Variants in KANSL1 observed in about 807,000 individuals in gnomAD.
The protein encoded by KANSL1 is KAT8 regulatory NSL complex subunit 1.
A neutral mutation model predicts 103.6 loss-of-function variants in KANSL1; 22 were observed. The observed-to-expected ratio is 0.21, with a 90% confidence interval of 0.15 to 0.30. The LOEUF (loss-of-function observed/expected upper bound fraction) is 0.30, where lower values mean the gene tolerates loss of function less well. Among genes scored for constraint, KANSL1 ranks in the 10% least tolerant of loss-of-function variants. The probability of loss-of-function intolerance (pLI) is 1.00; values close to 1 mark genes in which losing one functional copy is unlikely to be tolerated. For synonymous variants in KANSL1, 600 were observed against 527.6 expected (o/e 1.14, Z -1.88); for missense variants, 1,337 against 1,399.8 (o/e 0.96, Z 0.72).
chr17:46,148,705 G>A (rs2147459356), intron 2 of KANSL1, among the ~76,000 whole-genome samples: 1 of 151,460 alleles, frequency 6.6e-6, no homozygotes, highest in African/African-American at 2.4e-5. Context: ...TCCTGCCTCA[G>A]CCTCCTGAAC....
chr17:46,201,059 G>A (rs1039273237), intron 1 of KANSL1, among the ~76,000 whole-genome samples: 10 of 152,054 alleles, frequency 6.6e-5, no homozygotes, highest in African/African-American at 1.9e-4. Flanking sequence ...CTACAGGCGC[G>A]TACCACCATG....
Position 46,172,130 on chromosome 17 carries a change from G to A in KANSL1, c.14C>T (p.Ala5Val), listed in dbSNP as rs1187317822. The change falls in exon 2 of 15, where the codon GCG becomes GTG. Residue 5 changes from alanine (A) to valine (V), a missense_variant. Ala to Val is a moderately conservative substitution (Grantham distance 64). Around this residue, in one of 2 missense-constraint regions of KANSL1, gnomAD observed 557 missense variants for 476.4 expected, o/e 1.17. Coordinates refer to ENST00000432791, the MANE Select transcript of KANSL1 (RefSeq NM_015443.4). ...AGCTGCTGCGTCAGTGAGAGCGGGC[G>A]CCATCGCAGCCATTCAGCACAGAGA... is the stretch of plus-strand genomic sequence containing the variant. Reference protein sequence around the residue: MAAMAPALTDAAAEA... With the variant: MAAMVPALTDAAAEA... The A allele has an allele frequency of 5.0e-6, 8 of 1,604,326 alleles. No homozygotes were observed. Among genetic ancestry groups the A allele is most frequent in the African/African-American group, 1.3e-5 (1 of 75,022 alleles).
intron 2 of KANSL1, among the ~76,000 whole-genome samples, chr17:46,098,506 C>G (rs141738260): frequency 6.6e-6 from 1 of 152,288 alleles, no homozygotes; most frequent in East Asian, 1.9e-4. Flanking sequence ...CATTTTAGTT[C>G]GCAAGAACTT....
intron 6 of KANSL1, among the ~76,000 whole-genome samples, chr17:46,062,964 C>T (rs949562181): frequency 2.6e-5 from 4 of 152,076 alleles, no homozygotes; most frequent in African/African-American, 7.2e-5. Context: ...GCAGGAGAAT[C>T]GCTTGAACCC....
At chr17:46,209,516 C>A (rs2048090457) in intron 1 of KANSL1, among the ~76,000 whole-genome samples, 1 of 152,240 alleles carries the variant, frequency 6.6e-6, no homozygotes, top group South Asian at 2.1e-4. Flanking sequence ...TTTTTTGAGA[C>A]AGAGTCTCAC....
At chr17:46,154,877 G>T (rs1047012467) in intron 2 of KANSL1, among the ~76,000 whole-genome samples, 4 of 152,154 alleles carry the variant, frequency 2.6e-5, no homozygotes, top group Non-Finnish European at 5.9e-5. Flanking sequence ...TGGAGATGGG[G>T]TCTTGCTATG....
At chr17:46,047,912 TC>T (rs1017722722) in intron 7 of KANSL1, among the ~76,000 whole-genome samples, 1 of 87,638 alleles carries the variant, frequency 1.1e-5, no homozygotes, top group Non-Finnish European at 2.5e-5. Flanking sequence ...CCTTCCCCAC[TC>T]CCCCCGCCAC....
chr17:46,179,660 C>G (rs1377138684), intron 1 of KANSL1, among the ~76,000 whole-genome samples: 33 of 152,172 alleles, frequency 2.2e-4, no homozygotes, highest in Admixed American at 2.2e-3. Context: ...GCTAAAATGT[C>G]ATTATGCAAA....
At chr17:46,076,797 C>G (rs2078791801) in intron 4 of KANSL1, among the ~76,000 whole-genome samples, 1 of 152,106 alleles carries the variant, frequency 6.6e-6, no homozygotes, top group Non-Finnish European at 1.5e-5. Flanking sequence ...TTTCTTGATA[C>G]TACCGCAAAT....
chr17:46,149,260 C>T (rs1023616292), intron 2 of KANSL1, among the ~76,000 whole-genome samples: 2 of 152,248 alleles, frequency 1.3e-5, no homozygotes, highest in East Asian at 1.9e-4. Context: ...CTCGGCCTCC[C>T]AAAGTGCTGG....
intron 7 of KANSL1, among the ~76,000 whole-genome samples, chr17:46,046,476 G>A (rs1431714209): frequency 8.2e-6 from 1 of 122,074 alleles, no homozygotes; most frequent in African/African-American, 3.1e-5. Flanking sequence ...GCTGCAATGA[G>A]CCAAAAACCA....
intron 2 of KANSL1, among the ~76,000 whole-genome samples, chr17:46,142,235 T>C (rs551597003): frequency 1.3e-5 from 2 of 152,250 alleles, no homozygotes; most frequent in African/African-American, 4.8e-5. Context: ...GACAAAAATT[T>C]AAACAATTTA....
intron 2 of KANSL1, among the ~76,000 whole-genome samples, chr17:46,168,662 T>C (rs1292780460): frequency 6.6e-6 from 1 of 152,234 alleles, no homozygotes; most frequent in Non-Finnish European, 1.5e-5. Context: ...TAAATACAAT[T>C]ACAATGTGCA....
At chr17:46,137,527 A>G (rs542487429) in intron 2 of KANSL1, among the ~76,000 whole-genome samples, 66 of 152,254 alleles carry the variant, frequency 4.3e-4, no homozygotes, top group Non-Finnish European at 6.9e-4. Context: ...TACAATTGTC[A>G]TAAAAGTTTT....
chr17:46,052,654 A>G (rs893168274), intron 6 of KANSL1, among the ~76,000 whole-genome samples: 8 of 151,628 alleles, frequency 5.3e-5, no homozygotes, highest in Non-Finnish European at 1.5e-5. Flanking sequence ...AAAAAAATTC[A>G]ATAGATGTGG....
intron 14 of KANSL1, 151 bp from the exon 15 acceptor site, chr17:46,031,854 C>T: frequency 2.9e-6 from 3 of 1,034,076 alleles, no homozygotes; most frequent in Non-Finnish European, 4.2e-6. Flanking sequence ...CTAGGGTATA[C>T]CCAGACAACT....
At chr17:46,118,114 T>G (rs1397302121) in intron 2 of KANSL1, among the ~76,000 whole-genome samples, 1 of 152,218 alleles carries the variant, frequency 6.6e-6, no homozygotes, top group Admixed American at 6.5e-5. Context: ...GGTAATAATC[T>G]GTGATATGAA....
intron 3 of KANSL1, among the ~76,000 whole-genome samples, chr17:46,085,076 TC>T (rs2079116027): frequency 6.6e-6 from 1 of 152,148 alleles, no homozygotes; most frequent in Non-Finnish European, 1.5e-5. Flanking sequence ...TTTTTAAAGA[TC>T]AATTTCCAAC....
At chr17:46,041,207 G>T (rs146388421) in intron 7 of KANSL1, 1 of 152,278 alleles carries the variant, frequency 6.6e-6, no homozygotes, top group African/African-American at 2.4e-5. Flanking sequence ...TATTCAGTAG[G>T]ATTTTCTATA....
Sources: gnomAD v4.1 joint callset for allele counts (sites outside exome capture counted in the v4.1 genomes callset) on GRCh38, gnomAD v4.1.1 for gene constraint, gnomAD v4.1.1 regional missense constraint, MANE v1.5 for transcripts, NCBI Gene and HGNC (gene_info 2026-07-23, HGNC 2026-07-21) for gene names.